Variants in NPAS3 observed in about 807,000 individuals in gnomAD.
NPAS3 encodes the protein neuronal PAS domain protein 3.
Under a neutral mutation model 73.1 loss-of-function variants are expected in NPAS3, and 14 were observed. That is an observed-to-expected ratio of 0.19 (90% CI 0.13 to 0.30). The LOEUF (loss-of-function observed/expected upper bound fraction) is 0.30, where lower values mean the gene tolerates loss of function less well. Ranked by LOEUF, NPAS3 falls within the 10% of genes least tolerant of loss-of-function variation. NPAS3 has a pLI of 1.00. For synonymous variants in NPAS3, 620 were observed against 541.5 expected (o/e 1.14, Z -2.01); for missense variants, 1,096 against 1,250.0 (o/e 0.88, Z 1.86).
exon 12 of NPAS3, chr14:33,801,087 C>A: frequency 6.3e-7 from 1 of 1,589,748 alleles, no homozygotes; most frequent in South Asian, 1.1e-5. Flanking sequence ...GCGGCACAGA[C>A]TCTGGAGCGC....
chr14:33,417,464 C>T (rs1320405180), intron 4 of NPAS3, among the ~76,000 whole-genome samples: 2 of 152,064 alleles, frequency 1.3e-5, no homozygotes, highest in South Asian at 2.1e-4. Flanking sequence ...TTTGCCATTC[C>T]AACTCTGTGA....
At chr14:33,159,670 C>T (rs1298584354) in intron 2 of NPAS3, among the ~76,000 whole-genome samples, 1 of 151,216 alleles carries the variant, frequency 6.6e-6, no homozygotes, top group Non-Finnish European at 1.5e-5. Context: ...TCTCCTGCCT[C>T]AGCCTCCTGA....
intron 1 of NPAS3, among the ~76,000 whole-genome samples, chr14:32,940,688 CAT>C (rs2035954599): frequency 6.6e-6 from 1 of 152,174 alleles, no homozygotes; most frequent in Non-Finnish European, 1.5e-5. Context: ...ATTATTATAA[CAT>C]AGTTTTATTT....
At chr14:33,536,989 A>G (rs2054286458) in intron 4 of NPAS3, among the ~76,000 whole-genome samples, 1 of 152,148 alleles carries the variant, frequency 6.6e-6, no homozygotes, top group South Asian at 2.1e-4. Flanking sequence ...CAGTCTATTC[A>G]ATTACTGGTC....
chr14:33,530,089 G>C (rs115421473), intron 4 of NPAS3, among the ~76,000 whole-genome samples: 1 of 151,892 alleles, frequency 6.6e-6, no homozygotes. Flanking sequence ...TTTTGTCACC[G>C]CTCACCAAAG....
chr14:33,148,515 G>A (rs1256173798), intron 2 of NPAS3, among the ~76,000 whole-genome samples: 1 of 152,076 alleles, frequency 6.6e-6, no homozygotes, highest in Non-Finnish European at 1.5e-5. Flanking sequence ...TAAAAAGAAT[G>A]TAAAATGTCT....
chr14:33,376,684 C>A (rs980965127), intron 4 of NPAS3, among the ~76,000 whole-genome samples: 3 of 152,126 alleles, frequency 2.0e-5, no homozygotes, highest in Non-Finnish European at 2.9e-5. Context: ...TCATTATGTG[C>A]GTGGATTTGG....
chr14:33,036,592 CAG>C (rs748587605), intron 1 of NPAS3, among the ~76,000 whole-genome samples: 9 of 152,086 alleles, frequency 5.9e-5, no homozygotes, highest in Non-Finnish European at 1.0e-4. Context: ...ATACCTGAAA[CAG>C]AGATTTTCTT....
At chr14:33,694,742 C>T (rs538817893) in intron 6 of NPAS3, among the ~76,000 whole-genome samples, 1 of 152,132 alleles carries the variant, frequency 6.6e-6, no homozygotes, top group East Asian at 1.9e-4. Flanking sequence ...TTGATTTATC[C>T]AATTTCCTTA....
In NPAS3 at chr14:33,641,891, T is replaced by G. The variant is rs2058685048; in HGVS notation, c.559-34320T>G. Reference sequence around the variant, plus strand: ...AAAGAAAATGCAGGTATGGTGAGAGTTTGCTGACCATATTGTCTTGCAGAA... The same window carrying G: ...AAAGAAAATGCAGGTATGGTGAGAGGTTGCTGACCATATTGTCTTGCAGAA... On this transcript the variant is annotated intron_variant, in intron 5 of 11. Coordinates refer to ENST00000356141, the Ensembl canonical transcript of NPAS3. 2.0e-5 allele frequency among the ~76,000 whole-genome samples: 3 copies of G among 152,110 alleles called. No individual in the cohort carries two copies. In the South Asian group the frequency reaches 6.2e-4, roughly 32 times the overall value.
intron 2 of NPAS3, among the ~76,000 whole-genome samples, chr14:33,090,691 A>G (rs958132086): frequency 6.6e-6 from 1 of 152,226 alleles, no homozygotes. Flanking sequence ...TCAACAGAAT[A>G]TACATTCTTC....
At chr14:33,533,810 G>C (rs1379967513) in intron 4 of NPAS3, among the ~76,000 whole-genome samples, 1 of 126,270 alleles carries the variant, frequency 7.9e-6, no homozygotes, top group Non-Finnish European at 1.6e-5. Context: ...TAAGGTTACA[G>C]AATTTACATA....
intron 4 of NPAS3, among the ~76,000 whole-genome samples, chr14:33,477,603 G>A (rs957783190): frequency 2.0e-5 from 3 of 152,042 alleles, no homozygotes; most frequent in Non-Finnish European, 4.4e-5. Context: ...ACCCATGATG[G>A]GGTGACTTCT....
chr14:33,767,617 G>A (rs117178242), intron 7 of NPAS3, among the ~76,000 whole-genome samples: 4 of 67,010 alleles, frequency 6.0e-5, no homozygotes, highest in East Asian at 5.2e-4. Flanking sequence ...TTTTTTTTTC[G>A]TACCTGAAGC....
intron 1 of NPAS3, among the ~76,000 whole-genome samples, chr14:33,044,143 A>G (rs1047818393): frequency 1.3e-5 from 2 of 152,212 alleles, no homozygotes; most frequent in Admixed American, 6.5e-5. Flanking sequence ...TGAAAAGATG[A>G]TTTATTGTGG....
chr14:33,391,422 A>G (rs1226438800), intron 4 of NPAS3, among the ~76,000 whole-genome samples: 1 of 151,904 alleles, frequency 6.6e-6, no homozygotes, highest in African/African-American at 2.4e-5. Flanking sequence ...TGAACTCCCT[A>G]CCTCAGGTGA....
chr14:33,425,655 A>C (rs1391414399), intron 4 of NPAS3, among the ~76,000 whole-genome samples: 4 of 151,540 alleles, frequency 2.6e-5, no homozygotes, highest in Admixed American at 2.6e-4. Flanking sequence ...AAGGAATGTG[A>C]TTTTTGTGCT....
At position 33,638,236 on chromosome 14, in the gene NPAS3, T is replaced by A. The variant is rs7154890; in HGVS notation, c.559-37975T>A. ...TAGGTTTTTGGTGTTAAATTAATAT[T>A]AAAGATCATTTAACCAGAATTATTT... On this transcript the variant is annotated intron_variant, in intron 5 of 11. Coordinates refer to ENST00000356141, the Ensembl canonical transcript of NPAS3. Among the ~76,000 whole-genome samples, 1,308 of 152,318 alleles carry A rather than the reference T, an allele frequency of 8.6e-3. 20 individuals are homozygous for A. Among genetic ancestry groups the A allele is most frequent in the African/African-American group, 0.029 (1,218 of 41,566 alleles).
At chr14:33,300,276 G>A (rs1483642314) in intron 3 of NPAS3, among the ~76,000 whole-genome samples, 1 of 152,188 alleles carries the variant, frequency 6.6e-6, no homozygotes, top group Non-Finnish European at 1.5e-5. Context: ...AAGTATTACA[G>A]TCTGAGGTTT....
Sources: allele counts gnomAD v4.1 joint callset (sites outside exome capture counted in the v4.1 genomes callset), GRCh38; gene constraint gnomAD v4.1.1; transcripts MANE v1.5; gene names NCBI Gene and HGNC (gene_info 2026-07-23, HGNC 2026-07-21).